ORC1: variants seen among roughly 807,000 people sequenced by gnomAD.
The protein encoded by ORC1 is origin recognition complex subunit 1.
Under a neutral mutation model 98.9 loss-of-function variants are expected in ORC1, and 61 were observed. The ratio of observed to expected loss-of-function variants is 0.62; its 90% CI spans 0.50 to 0.76. The LOEUF is 0.76. Ranked by LOEUF, ORC1 falls within the 30% of genes least tolerant of loss-of-function variation. The pLI, the probability that ORC1 is intolerant of heterozygous loss-of-function variation, is 0.00. For synonymous variants in ORC1, 385 were observed against 406.9 expected (o/e 0.95, Z 0.65); for missense variants, 979 against 1,072.2 (o/e 0.91, Z 1.21).
chr1:52,408,233 C>T (rs558205096), upstream of ORC1: 48 of 386,126 alleles, frequency 1.2e-4, no homozygotes, highest in African/African-American at 9.4e-4. Context: ...GAGCAAGACT[C>T]TGCCTTAAAA....
chr1:52,387,496 C>T (rs995484874), intron 8 of ORC1, among the ~76,000 whole-genome samples: 1 of 152,138 alleles, frequency 6.6e-6, no homozygotes. Flanking sequence ...CTCACTCTGT[C>T]GCCCAGGCTA....
At chr1:52,408,433 TCTAC>T, upstream of ORC1, 1 of 1,179,792 alleles carries the variant, frequency 8.5e-7, no homozygotes, top group Admixed American at 1.7e-5. Flanking sequence ...TCTGCTGCAT[TCTAC>T]CTCCACAATT....
chr1:52,386,904 T>C (rs1034308048), intron 8 of ORC1, among the ~76,000 whole-genome samples: 4 of 151,824 alleles, frequency 2.6e-5, no homozygotes, highest in Admixed American at 1.3e-4. Context: ...TGAGTTGAGA[T>C]TGCACCACTG....
upstream of ORC1, among the ~76,000 whole-genome samples, chr1:52,406,588 TATAAG>T (rs1006996047): frequency 3.0e-4 from 46 of 152,286 alleles, no homozygotes; most frequent in African/African-American, 9.1e-4. Flanking sequence ...GTGACTATAA[TATAAG>T]AGTGAAAGAA....
intron 8 of ORC1, among the ~76,000 whole-genome samples, chr1:52,386,318 T>C (rs1460043080): frequency 6.6e-6 from 1 of 152,222 alleles, no homozygotes; most frequent in Non-Finnish European, 1.5e-5. Flanking sequence ...AGAGGAGGCA[T>C]AAACTAGGTT....
chr1:52,385,731 AG>A, intron 9 of ORC1, 120 bp downstream of exon 9: 1 of 749,242 alleles, frequency 1.3e-6, no homozygotes, highest in Non-Finnish European at 2.4e-6. Flanking sequence ...GATAGGTAAA[AG>A]TATAGACACA....
chr1:52,374,635 A>G (rs1646971121), intron 16 of ORC1, among the ~76,000 whole-genome samples, 175 bp downstream of exon 16: 1 of 152,244 alleles, frequency 6.6e-6, no homozygotes, highest in Non-Finnish European at 1.5e-5. Context: ...CAGTCGCTAA[A>G]GGTCTCTTCT....
At chr1:52,399,856 C>A (rs181931592) in intron 3 of ORC1, among the ~76,000 whole-genome samples, 11 of 151,696 alleles carry the variant, frequency 7.3e-5, no homozygotes, top group Admixed American at 1.3e-4. Context: ...ACAGCATCAA[C>A]CACTGAGATG....
chr1:52,381,675 A>C lies in ORC1; in HGVS notation c.2100T>G (p.Phe700Leu). ...LRSRLKHLKA[F>L]EDDAIQLVAR... is the part of the protein sequence containing the mutation. ...CTACCAGCTGGATGGCATCATCTTC[A>C]AAGGCCTTTAGATGCTTGAGCCGGG... The change falls in exon 14 of 17, where the codon TTT (phenylalanine) becomes TTG (leucine). Residue 700 changes from phenylalanine (F) to leucine (L), a missense_variant. By Grantham distance (22) the Phe-to-Leu change is conservative (BLOSUM62 0). Transcript: ENST00000371568. 1 of 1,613,116 alleles carries C rather than the reference A, an allele frequency of 6.2e-7. No individual in the cohort carries two copies. Among genetic ancestry groups the C allele is most frequent in the South Asian group, 1.1e-5 (1 of 91,036 alleles).
chr1:52,396,323 C>T lies in ORC1; in HGVS notation c.444G>A (p.Leu148=), dbSNP rs570939314. The T allele has an allele frequency of 4.3e-6, 7 of 1,614,094 alleles. No individual in the cohort carries two copies. In the South Asian group the frequency reaches 6.6e-5, roughly 15 times the overall value. The change falls in exon 5 of 17, where the codon CTG becomes CTA. Residue 148 remains leucine (L), a synonymous_variant. Coordinates refer to ENST00000371568, the MANE Select transcript of ORC1 (RefSeq NM_004153.4). The part of the protein sequence containing the change: ...LAPKDVVPTN[L]KNEKTLFVKL... Reference sequence around the variant, plus strand: ...TCACAAAGAGTGTCTTCTCATTTTTCAGATTCGTCGGTACCACATCCTTTG... The same window carrying T: ...TCACAAAGAGTGTCTTCTCATTTTTTAGATTCGTCGGTACCACATCCTTTG...
In ORC1 at chr1:52,383,458, G is replaced by A. The variant is rs555080991; in HGVS notation, c.1975C>T (p.Pro659Ser). 5.0e-6 allele frequency: 8 copies of A among 1,613,150 alleles called. No individual in the cohort carries two copies. The East Asian group carries it at 1.6e-4, about 31-fold the overall frequency. ...VLAIANTMDLPERIMMNRVSS... is the reference protein window; with the variant it reads ...VLAIANTMDLSERIMMNRVSS... ...ACCCGGTTCATCATGATTCGCTCTG[G>A]CAGGTCCATTGTGTTGGCAATTGCC... Residue 659 changes from proline to serine, a missense_variant, in exon 13 of 17, where the codon CCA (proline) becomes TCA (serine). By Grantham distance (74) the Pro-to-Ser change is moderately conservative. Transcript: ENST00000371568.
chr1:52,398,124 T>G (rs1483100009), intron 3 of ORC1, among the ~76,000 whole-genome samples: 1 of 151,990 alleles, frequency 6.6e-6, no homozygotes, highest in Non-Finnish European at 1.5e-5. Flanking sequence ...CCATCCTACC[T>G]GGCTAATTTT....
In ORC1 at chr1:52,384,705, C is replaced by T. The variant is rs142990704; in HGVS notation, c.1600G>A (p.Gly534Ser). ...DHTGGCMYIS[G>S]VPGTGKTATV... The stretch of plus-strand genomic sequence containing the variant: ...GCAGTCTTCCCTGTCCCAGGGACAC[C>T]GGAGATGTACATGCACCTAGAGCAA... The change falls in exon 11 of 17, where the codon GGT (glycine) becomes AGT (serine). Residue 534 changes from glycine to serine, a missense_variant. Transcript: ENST00000371568. 9.9e-6 allele frequency: 16 copies of T among 1,613,604 alleles called. No homozygotes were observed. The highest frequency in any genetic ancestry group is 5.3e-5 in the African/African-American group (4 of 74,956).
At chr1:52,401,126 T>C (rs1296980800) in intron 3 of ORC1, among the ~76,000 whole-genome samples, 1 of 152,064 alleles carries the variant, frequency 6.6e-6, no homozygotes, top group Non-Finnish European at 1.5e-5. Context: ...TAGCCTTGCT[T>C]ACTCCCCAAA....
chr1:52,406,864 TCAAA>T (rs1291392416), upstream of ORC1, among the ~76,000 whole-genome samples: 2 of 152,194 alleles, frequency 1.3e-5, no homozygotes, highest in African/African-American at 4.8e-5. Context: ...TTGCCCAAGT[TCAAA>T]CAGCTAGTAA....
upstream of ORC1, among the ~76,000 whole-genome samples, chr1:52,405,159 T>G (rs1647941061): frequency 6.6e-6 from 1 of 152,194 alleles, no homozygotes; most frequent in African/African-American, 2.4e-5. Flanking sequence ...AGTGTTAAGC[T>G]CAGGGATCCG....
chr1:52,402,282 G>A, intron 1 of ORC1, 54 bp from the exon 2 acceptor site: 1 of 1,340,156 alleles, frequency 7.5e-7, no homozygotes, highest in Middle Eastern at 1.8e-4. Flanking sequence ...GTATTTATCT[G>A]ATGGATTCTA....
intron 6 of ORC1, among the ~76,000 whole-genome samples, chr1:52,391,233 C>T (rs986935149): frequency 2.7e-5 from 4 of 148,802 alleles, no homozygotes; most frequent in Non-Finnish European, 5.9e-5. Context: ...TGCTTGAACC[C>T]GGGAGGCAGA....
At chr1:52,376,334 G>T (rs536892396) in intron 14 of ORC1, among the ~76,000 whole-genome samples, 1 of 152,262 alleles carries the variant, frequency 6.6e-6, no homozygotes, top group South Asian at 2.1e-4. Context: ...GACCAACATG[G>T]TGAAACCCTA....
Sources: gnomAD v4.1 joint callset for allele counts (sites outside exome capture counted in the v4.1 genomes callset) on GRCh38, gnomAD v4.1.1 for gene constraint, MANE v1.5 for transcripts, NCBI Gene and HGNC (gene_info 2026-07-23, HGNC 2026-07-21) for gene names.